The following NMT2 variants were observed in gnomAD, a reference collection of about 807,000 sequenced individuals.
NMT2 encodes glycylpeptide N-tetradecanoyltransferase 2.
In NMT2, 35 loss-of-function variants were observed where a neutral mutation model predicts 65.4. The ratio of observed to expected loss-of-function variants is 0.54; its 90% CI spans 0.41 to 0.71. The LOEUF (loss-of-function observed/expected upper bound fraction) is 0.71, where lower values mean the gene tolerates loss of function less well. Among genes scored for constraint, NMT2 ranks in the 30% least tolerant of loss-of-function variants. The probability of loss-of-function intolerance (pLI) is 0.00; values close to 1 mark genes in which losing one functional copy is unlikely to be tolerated. For synonymous variants in NMT2, 226 were observed against 231.8 expected, an observed-to-expected ratio of 0.98 and a Z score of 0.23; for missense variants, 489 against 611.3, an observed-to-expected ratio of 0.80 and a Z score of 2.11.
Position 15,161,635 on chromosome 10 carries a change from C to T in NMT2, c.110+6868G>A, listed in dbSNP as rs767292726. ...CCGGCCTCCCAAAGTGCTGGGATTA[C>T]AGGTGCGAGCCACCACGCCTGGCCG... On this transcript the variant is annotated intron_variant, in intron 1 of 11. Transcript: ENST00000378165. Among the ~76,000 whole-genome samples the T allele has an allele frequency of 2.0e-4, 31 of 152,134 alleles. 1 individual carries two copies. The highest frequency in any genetic ancestry group is 1.3e-4 in the Admixed American group (2 of 15,278).
intron 1 of NMT2, among the ~76,000 whole-genome samples, chr10:15,163,988 G>A (rs1237984688): frequency 6.6e-6 from 1 of 151,912 alleles, no homozygotes; most frequent in Non-Finnish European, 1.5e-5. Flanking sequence ...GACCATCCTG[G>A]CTAACATGGT....
At chr10:15,146,871 T>A (rs370418267) in intron 1 of NMT2, among the ~76,000 whole-genome samples, 1 of 151,910 alleles carries the variant, frequency 6.6e-6, no homozygotes, top group Admixed American at 6.6e-5. Context: ...AGAGGGAGGA[T>A]TGCTTGATCC....
chr10:15,139,293 TATCC>T (rs1020580719), intron 2 of NMT2, among the ~76,000 whole-genome samples: 18 of 136,300 alleles, frequency 1.3e-4, no homozygotes, highest in African/African-American at 3.3e-4. Flanking sequence ...TCTATCTATC[TATCC>T]ATCCATCCAT....
chr10:15,129,840 C>T (rs755704758), intron 7 of NMT2, among the ~76,000 whole-genome samples: 7 of 141,624 alleles, frequency 4.9e-5, no homozygotes, highest in Non-Finnish European at 8.9e-5. Flanking sequence ...ACCCAGGAGG[C>T]GAGTTTGCGG....
intron 10 of NMT2, among the ~76,000 whole-genome samples, chr10:15,112,181 TATATATATATATATA>T (rs1845545623): frequency 6.3e-3 from 58 of 9,212 alleles, no homozygotes; most frequent in Admixed American, 0.02. Context: ...GCTTTATATA[TATATATATATATATA>T]TATATATATA....
rs551752641 is a variant in NMT2, at chr10:15,109,464, G to T, written c.1476+238C>A. ...GTGGTGGATGTAATCCCAGCTACTC[G>T]GGAGGCTGAGGCAGGAGAATCACTT... On this transcript the variant is annotated intron_variant, in intron 11 of 11. Transcript: ENST00000378165. 2.2e-4 allele frequency among the ~76,000 whole-genome samples: 34 copies of T among 152,200 alleles called. No individual in the cohort carries two copies. In the South Asian group the frequency reaches 6.4e-3, roughly 29 times the overall value.
At chr10:15,155,304 A>G (rs1008372570) in intron 1 of NMT2, 1 of 1,325,070 alleles carries the variant, frequency 7.5e-7, no homozygotes, top group Non-Finnish European at 1.1e-6. Flanking sequence ...GTTGAAGAAC[A>G]TGGTGGGGTT....
intron 1 of NMT2, among the ~76,000 whole-genome samples, chr10:15,149,373 T>C (rs369760431): frequency 6.0e-3 from 9 of 1,504 alleles, no homozygotes; most frequent in Admixed American, 0.024. Flanking sequence ...ATCACCATCA[T>C]CACCACCATT....
chr10:15,130,981 G>A (rs1159497277), intron 6 of NMT2, among the ~76,000 whole-genome samples: 4 of 151,734 alleles, frequency 2.6e-5, no homozygotes, highest in African/African-American at 9.7e-5. Flanking sequence ...GTAAAGACAG[G>A]GTTTCACCAT....
chr10:15,109,905 A>C, intron 10 of NMT2, 66 bp from the exon 11 acceptor site: 18 of 1,315,924 alleles, frequency 1.4e-5, no homozygotes, highest in Non-Finnish European at 1.8e-5. Context: ...TACATATCTC[A>C]GTTTAACAAT....
rs537330766 is a variant in NMT2, at chr10:15,108,341, C to G, written c.*854G>C. The G allele has an allele frequency of 2.1e-6, 1 of 474,574 alleles. No individual in the cohort carries two copies. The highest frequency in any genetic ancestry group is 2.1e-5 in the African/African-American group (1 of 47,264). 29.4% of individuals were successfully genotyped at this position (474,574 alleles called of 1,614,324 possible). On this transcript the variant is annotated 3_prime_UTR_variant, in exon 12 of 12. Coordinates refer to ENST00000378165, the MANE Select transcript of NMT2 (RefSeq NM_004808.3). ...AGCTGGGACTACAGGCACACGCCAC[C>G]ACGCCCGGCTAATTTTTGTATTTTT...
chr10:15,166,126 A>G (rs1378998732), intron 1 of NMT2, among the ~76,000 whole-genome samples: 1 of 152,128 alleles, frequency 6.6e-6, no homozygotes, highest in African/African-American at 2.4e-5. Flanking sequence ...GCAAAACAAG[A>G]CTCTAATTGG....
intron 10 of NMT2, among the ~76,000 whole-genome samples, chr10:15,112,502 T>A (rs45543332): frequency 0.075 from 11,398 of 151,638 alleles, 580 homozygotes; most frequent in East Asian, 0.17. Flanking sequence ...GTGTTGGGAT[T>A]ACAAGCCTGA....
At chr10:15,123,317 C>T (rs1845981595) in intron 8 of NMT2, among the ~76,000 whole-genome samples, 1 of 151,992 alleles carries the variant, frequency 6.6e-6, no homozygotes, top group Non-Finnish European at 1.5e-5. Context: ...GAGGCTGAGG[C>T]AGGCGGATCA....
At chr10:15,140,922 C>T in intron 2 of NMT2, 1 of 1,386,142 alleles carries the variant, frequency 7.2e-7, no homozygotes, top group Non-Finnish European at 1.0e-6. Context: ...ATTTCCCACC[C>T]TTGGCATTAG....
At chr10:15,131,511 A>T (rs192700912) in intron 6 of NMT2, among the ~76,000 whole-genome samples, 3 of 152,112 alleles carry the variant, frequency 2.0e-5, no homozygotes, top group African/African-American at 7.2e-5. Context: ...ATCCTGGTGC[A>T]GAATCTGATA....
rs544447817 is a variant in NMT2, at chr10:15,140,367, G to A, written c.246+1055C>T. Among the ~76,000 whole-genome samples, 208 of 150,724 alleles carry A rather than the reference G, an allele frequency of 1.4e-3. 2 individuals carry two copies. The highest frequency in any genetic ancestry group is 2.5e-3 in the South Asian group (12 of 4,766). On this transcript the variant is annotated intron_variant, in intron 2 of 11. Coordinates refer to ENST00000378165, the MANE Select transcript of NMT2 (RefSeq NM_004808.3). The stretch of plus-strand genomic sequence containing the variant: ...TTGAACTCCTGGGCTCAAGGGATCC[G>A]CCTGCCTTGGCCTCCCAAAGTGCTG...
chr10:15,124,018 A>C (rs1846005387), intron 8 of NMT2, among the ~76,000 whole-genome samples: 1 of 152,240 alleles, frequency 6.6e-6, no homozygotes, highest in Non-Finnish European at 1.5e-5. Context: ...AATGCTAACC[A>C]CTAAAAAAAC....
At chr10:15,112,265 T>G in intron 10 of NMT2, among the ~76,000 whole-genome samples, 1 of 109,156 alleles carries the variant, frequency 9.2e-6, no homozygotes, top group South Asian at 3.8e-4. Context: ...ACAGTTTCTG[T>G]CACCCAGGCT....
Sources: allele counts gnomAD v4.1 joint callset (sites outside exome capture counted in the v4.1 genomes callset), GRCh38; gene constraint gnomAD v4.1.1; transcripts MANE v1.5; gene names NCBI Gene and HGNC (gene_info 2026-07-23, HGNC 2026-07-21).